The following ABCG2 variants were observed in gnomAD, a reference collection of about 807,000 sequenced individuals.
The protein encoded by ABCG2 is broad substrate specificity ATP-binding cassette transporter ABCG2.
A neutral mutation model predicts 73.5 loss-of-function variants in ABCG2; 80 were observed. The ratio of observed to expected loss-of-function variants is 1.09; its 90% CI spans 0.91 to 1.31. The LOEUF (loss-of-function observed/expected upper bound fraction) is 1.31. Among genes scored for constraint, ABCG2 ranks in the 50% most tolerant of loss-of-function variants. The pLI is 0.00. For missense variants in ABCG2, 796 were observed against 786.2 expected, an observed-to-expected ratio of 1.01 and a Z score of -0.15; for synonymous variants, 269 against 282.4, an observed-to-expected ratio of 0.95 and a Z score of 0.48.
intron 7 of ABCG2, among the ~76,000 whole-genome samples, chr4:88,117,213 G>A (rs1723637113): frequency 6.6e-6 from 1 of 152,006 alleles, no homozygotes; most frequent in African/African-American, 2.4e-5. Context: ...AGTCCCAGCT[G>A]CTTGGGTGAG....
chr4:88,168,998 A>G (rs1253171757), intron 1 of ABCG2, among the ~76,000 whole-genome samples: 1 of 151,706 alleles, frequency 6.6e-6, no homozygotes, highest in Non-Finnish European at 1.5e-5. Context: ...TTCTATCATT[A>G]TATATTAGTT....
intron 1 of ABCG2, among the ~76,000 whole-genome samples, chr4:88,151,501 G>A (rs1047151520): frequency 4.6e-5 from 7 of 152,186 alleles, no homozygotes; most frequent in African/African-American, 1.7e-4. Flanking sequence ...CACTTTGGGA[G>A]GCCGAGGCAG....
In ABCG2 at chr4:88,210,184, TACACACACACAC is replaced by T. The variant is rs36209812; in HGVS notation, c.-20+20798_-20+20809del. 1.0e-2 allele frequency among the ~76,000 whole-genome samples: 1,490 copies of T among 149,516 alleles called. 16 individuals carry two copies. Among genetic ancestry groups the T allele is most frequent in the Non-Finnish European group, 0.015 (1,014 of 67,310 alleles). The stretch of plus-strand genomic sequence containing the variant: ...AAGATGTCAGTAATGTAAGTAATCC[TACACACACACAC>T]ACACACACACACACACACACACACA... On this transcript the variant is annotated intron_variant, in intron 1 of 15. Coordinates refer to the ABCG2 transcript ENST00000515655.
At chr4:88,097,734 ACT>A in intron 12 of ABCG2, 127 bp from the exon 13 acceptor site, 1 of 998,372 alleles carries the variant, frequency 1.0e-6, no homozygotes. Context: ...AAAGTCATCC[ACT>A]CTCCAACCAC....
At chr4:88,169,554 G>C (rs1483691909) in intron 1 of ABCG2, among the ~76,000 whole-genome samples, 1 of 152,186 alleles carries the variant, frequency 6.6e-6, no homozygotes, top group East Asian at 1.9e-4. Context: ...GATTAGAAAA[G>C]AGTTCTAATG....
At chr4:88,213,813 G>T (rs1729694694) in intron 1 of ABCG2, among the ~76,000 whole-genome samples, 1 of 151,336 alleles carries the variant, frequency 6.6e-6, no homozygotes, top group African/African-American at 2.4e-5. Flanking sequence ...CTCCGGAGTA[G>T]CTGGGACTAT....
chr4:88,124,302 C>T (rs1020636077), intron 5 of ABCG2, among the ~76,000 whole-genome samples: 2 of 152,160 alleles, frequency 1.3e-5, no homozygotes, highest in Non-Finnish European at 2.9e-5. Context: ...GGATCAAATT[C>T]ACACATAACA....
At chr4:88,142,590 T>C (rs1186238398) in intron 1 of ABCG2, among the ~76,000 whole-genome samples, 1 of 152,120 alleles carries the variant, frequency 6.6e-6, no homozygotes, top group African/African-American at 2.4e-5. Context: ...AAGGCACAAG[T>C]ACAGTCAGCA....
In ABCG2 at chr4:88,125,119, C is replaced by T. The variant is rs529461200; in HGVS notation, c.532-3327G>A. Among the ~76,000 whole-genome samples, 8 of 151,056 alleles carry T rather than the reference C, an allele frequency of 5.3e-5. No individual in the cohort carries two copies. In the South Asian group the frequency reaches 1.0e-3, roughly 20 times the overall value. On this transcript the variant is annotated intron_variant, in intron 5 of 15. Coordinates refer to ENST00000237612, the MANE Select transcript of ABCG2 (RefSeq NM_004827.3). ...CATCCTGGCTAACACGGTGAAACCC[C>T]GTCTCTACTAAAAATACAAAAAATT... is the stretch of plus-strand genomic sequence containing the variant.
chr4:88,151,590 T>A (rs1410837837), intron 1 of ABCG2, among the ~76,000 whole-genome samples: 1 of 151,788 alleles, frequency 6.6e-6, no homozygotes, highest in East Asian at 1.9e-4. Context: ...TACAAAAAAG[T>A]AGCTGGGCGT....
intron 5 of ABCG2, among the ~76,000 whole-genome samples, chr4:88,128,129 C>T (rs1724566936): frequency 6.6e-6 from 1 of 152,080 alleles, no homozygotes; most frequent in Non-Finnish European, 1.5e-5. Flanking sequence ...ACAGACACTT[C>T]TCAAAAGAAG....
chr4:88,101,344 C>G, intron 10 of ABCG2, 25 bp from the exon 11 acceptor site: 1 of 1,592,490 alleles, frequency 6.3e-7, no homozygotes, highest in Non-Finnish European at 8.6e-7. Context: ...GGAACCAAAT[C>G]ACCGCAGTCA....
At chr4:88,171,176 T>C (rs1355528571) in intron 1 of ABCG2, among the ~76,000 whole-genome samples, 1 of 151,122 alleles carries the variant, frequency 6.6e-6, no homozygotes, top group Non-Finnish European at 1.5e-5. Context: ...CTGGGCTTAA[T>C]ACCTGGTTGA....
chr4:88,209,039 G>A (rs138854875), intron 1 of ABCG2, among the ~76,000 whole-genome samples: 305 of 150,946 alleles, frequency 2.0e-3, no homozygotes, highest in Non-Finnish European at 3.6e-3. Context: ...TTGGCCAGGT[G>A]CAGTGGTTTA....
chr4:88,173,525 T>G (rs1727841666), intron 1 of ABCG2, among the ~76,000 whole-genome samples: 1 of 152,214 alleles, frequency 6.6e-6, no homozygotes, highest in South Asian at 2.1e-4. Context: ...TGCCTAATTT[T>G]ATTCGTAACT....
intron 1 of ABCG2, among the ~76,000 whole-genome samples, chr4:88,207,261 T>C (rs11935352): frequency 0.58 from 87,485 of 152,088 alleles, 26,732 homozygotes; most frequent in East Asian, 0.67. Flanking sequence ...ACTACAGAGT[T>C]ACCAGCTATT....
chr4:88,138,477 G>A (rs542951090), intron 2 of ABCG2, among the ~76,000 whole-genome samples: 29 of 152,150 alleles, frequency 1.9e-4, no homozygotes, highest in Non-Finnish European at 3.5e-4. Flanking sequence ...AATGTCCAGA[G>A]GAAAAACCAA....
chr4:88,124,702 A>T (rs1207837399), intron 5 of ABCG2, among the ~76,000 whole-genome samples: 1 of 152,182 alleles, frequency 6.6e-6, no homozygotes, highest in African/African-American at 2.4e-5. Flanking sequence ...AGACTCCCAC[A>T]CAATAATAGT....
upstream of ABCG2, among the ~76,000 whole-genome samples, chr4:88,163,334 G>T (rs1727387680): frequency 2.0e-5 from 3 of 152,318 alleles, no homozygotes; most frequent in South Asian, 6.2e-4. Flanking sequence ...AAAGGAAGGT[G>T]AGAGAAAGGA....
Sources: gnomAD v4.1 joint callset for allele counts (sites outside exome capture counted in the v4.1 genomes callset) on GRCh38, gnomAD v4.1.1 for gene constraint, MANE v1.5 for transcripts, NCBI Gene and HGNC (gene_info 2026-07-23, HGNC 2026-07-21) for gene names.